APBB1IP: variants seen among roughly 807,000 people sequenced by gnomAD.
APBB1IP encodes the protein amyloid beta precursor protein binding family B member 1 interacting protein, also known as amyloid beta A4 precursor protein-binding family B member 1-interacting protein.
In APBB1IP, 27 loss-of-function variants were observed where a neutral mutation model predicts 64.9. That is an observed-to-expected ratio of 0.42 (90% CI 0.31 to 0.57). The LOEUF is 0.57. APBB1IP is among the 20% of genes least tolerant of loss of function. The pLI is 0.20. For missense variants in APBB1IP, 812 were observed against 845.5 expected (o/e 0.96, Z 0.49); for synonymous variants, 392 against 331.0 (o/e 1.18, Z -2.00).
chr10:26,535,958 G>A, intron 9 of APBB1IP, 116 bp from the exon 10 acceptor site: 1 of 1,079,916 alleles, frequency 9.3e-7, no homozygotes, highest in Non-Finnish European at 1.3e-6. Context: ...TTCGATCAGA[G>A]TTGTACACAA....
intron 6 of APBB1IP, among the ~76,000 whole-genome samples, chr10:26,510,344 A>C (rs1168330586): frequency 6.6e-6 from 1 of 152,224 alleles, no homozygotes; most frequent in African/African-American, 2.4e-5. Flanking sequence ...AAGATAAGTA[A>C]ATGCAGCTTC....
chr10:26,471,566 T>G (rs1835715547), intron 2 of APBB1IP, among the ~76,000 whole-genome samples: 1 of 152,202 alleles, frequency 6.6e-6, no homozygotes, highest in African/African-American at 2.4e-5. Flanking sequence ...TAAAGTTTTT[T>G]CTATGGTATG....
At chr10:26,453,067 G>A (rs1200170069) in intron 2 of APBB1IP, among the ~76,000 whole-genome samples, 1 of 152,268 alleles carries the variant, frequency 6.6e-6, no homozygotes, top group African/African-American at 2.4e-5. Flanking sequence ...TACTAAGAGA[G>A]TTGAGGTATA....
chr10:26,457,754 G>A (rs4237379), intron 2 of APBB1IP, among the ~76,000 whole-genome samples: 60,753 of 151,990 alleles, frequency 0.4, 12,279 homozygotes, highest in South Asian at 0.5. Flanking sequence ...AAATGAGGAG[G>A]GAGAGGAAGA....
intron 2 of APBB1IP, among the ~76,000 whole-genome samples, chr10:26,440,487 G>A (rs1007115940): frequency 2.4e-4 from 36 of 152,100 alleles, no homozygotes; most frequent in African/African-American, 8.2e-4. Flanking sequence ...CTGTAAAAGC[G>A]CAGTCAATAT....
At chr10:26,536,940 C>A (rs931084183) in intron 10 of APBB1IP, among the ~76,000 whole-genome samples, 1 of 151,884 alleles carries the variant, frequency 6.6e-6, no homozygotes, top group Admixed American at 6.6e-5. Flanking sequence ...AGATTTTAGC[C>A]CTTAGACTCT....
intron 11 of APBB1IP, among the ~76,000 whole-genome samples, chr10:26,547,438 T>G (rs1836780331): frequency 6.6e-6 from 1 of 152,024 alleles, no homozygotes; most frequent in Admixed American, 6.6e-5. Context: ...TTTGTTTTGC[T>G]TTGTTTTGTT....
chr10:26,500,294 G>A (rs1836080859), intron 4 of APBB1IP, among the ~76,000 whole-genome samples: 1 of 151,950 alleles, frequency 6.6e-6, no homozygotes, highest in African/African-American at 2.4e-5. Context: ...CAGTTAGGTG[G>A]TGAGGCTATA....
chr10:26,511,949 G>C, intron 7 of APBB1IP, 43 bp downstream of exon 7: 1 of 1,605,754 alleles, frequency 6.2e-7, no homozygotes, highest in Non-Finnish European at 8.5e-7. Flanking sequence ...CAAAAACCTT[G>C]TGGGTTTGCT....
At chr10:26,499,820 ACTCC>A (rs1836073960) in intron 4 of APBB1IP, among the ~76,000 whole-genome samples, 1 of 152,022 alleles carries the variant, frequency 6.6e-6, no homozygotes, top group African/African-American at 2.4e-5. Flanking sequence ...TTAAAAGTTA[ACTCC>A]CAGCTTACTG....
chr10:26,515,738 C>T (rs996594930), intron 8 of APBB1IP, among the ~76,000 whole-genome samples: 1 of 152,082 alleles, frequency 6.6e-6, no homozygotes, highest in Non-Finnish European at 1.5e-5. Context: ...TACCTCCATA[C>T]CCCTTTAGGC....
intron 2 of APBB1IP, among the ~76,000 whole-genome samples, chr10:26,476,009 C>T (rs933380701): frequency 6.6e-6 from 1 of 151,884 alleles, no homozygotes; most frequent in African/African-American, 2.4e-5. Context: ...CAGAGGATCG[C>T]TTGAGGCCAA....
chr10:26,509,051 G>T (rs1836219937), intron 6 of APBB1IP, among the ~76,000 whole-genome samples: 1 of 152,192 alleles, frequency 6.6e-6, no homozygotes, highest in Non-Finnish European at 1.5e-5. Flanking sequence ...CTACTTTACA[G>T]CAGTAATTCT....
chr10:26,502,103 C>T (rs1242038873), intron 5 of APBB1IP, among the ~76,000 whole-genome samples: 1 of 152,128 alleles, frequency 6.6e-6, no homozygotes, highest in Non-Finnish European at 1.5e-5. Context: ...GCTTTATGGG[C>T]TTTCTTAAAG....
chr10:26,477,611 C>T (rs916631880), intron 2 of APBB1IP, among the ~76,000 whole-genome samples: 1 of 152,180 alleles, frequency 6.6e-6, no homozygotes, highest in Non-Finnish European at 1.5e-5. Context: ...AGCTGTTAAC[C>T]TACTTTGCAA....
intron 8 of APBB1IP, among the ~76,000 whole-genome samples, chr10:26,525,905 C>T (rs1189099549): frequency 1.3e-5 from 2 of 152,058 alleles, no homozygotes; most frequent in African/African-American, 4.8e-5. Context: ...TCTCTGGGTC[C>T]CTGTGTCTTC....
At chr10:26,473,675 C>A (rs1160426434) in intron 2 of APBB1IP, among the ~76,000 whole-genome samples, 1 of 152,146 alleles carries the variant, frequency 6.6e-6, no homozygotes, top group Non-Finnish European at 1.5e-5. Context: ...ACTGTGTGAA[C>A]CATCATGATT....
intron 2 of APBB1IP, among the ~76,000 whole-genome samples, chr10:26,487,213 T>C (rs1296564746): frequency 6.9e-6 from 1 of 144,886 alleles, no homozygotes; most frequent in Admixed American, 6.9e-5. Flanking sequence ...TTTTTTTTCC[T>C]CTCTCTCTCT....
chr10:26,508,558 C>T (rs1294996115), intron 6 of APBB1IP, among the ~76,000 whole-genome samples: 1 of 151,300 alleles, frequency 6.6e-6, no homozygotes, highest in African/African-American at 2.4e-5. Context: ...TCACTTTGCC[C>T]CATAAATATG....
Sources: allele counts gnomAD v4.1 joint callset (sites outside exome capture counted in the v4.1 genomes callset), GRCh38; gene constraint gnomAD v4.1.1; transcripts MANE v1.5; gene names NCBI Gene and HGNC (gene_info 2026-07-23, HGNC 2026-07-21).